TNFRSF8: variants seen among roughly 807,000 people sequenced by gnomAD.
The protein encoded by TNFRSF8 is TNF receptor superfamily member 8, also known as tumor necrosis factor receptor superfamily member 8.
In TNFRSF8, 26 loss-of-function variants were observed where a neutral mutation model predicts 70.8. The ratio of observed to expected loss-of-function variants is 0.37; its 90% CI spans 0.27 to 0.51. The LOEUF (loss-of-function observed/expected upper bound fraction) is 0.51. Among genes scored for constraint, TNFRSF8 ranks in the 20% least tolerant of loss-of-function variants. TNFRSF8 has a pLI of 0.94. For missense variants in TNFRSF8, 720 were observed against 807.9 expected (o/e 0.89, Z 1.32); for synonymous variants, 356 against 339.2 (o/e 1.05, Z -0.54).
rs967413665 is a variant in TNFRSF8 at position 12,063,386 on chromosome 1, A to T, written c.-213A>T. 6 of 397,572 alleles carry T rather than the reference A, an allele frequency of 1.5e-5. No individual in the cohort carries two copies. Among genetic ancestry groups the T allele is most frequent in the Non-Finnish European group, 2.2e-5 (5 of 226,930 alleles). 24.6% of individuals were successfully genotyped at this position (397,572 alleles called of 1,614,324 possible). On this transcript the variant is annotated 5_prime_UTR_variant, in exon 1 of 15. Coordinates refer to ENST00000263932, the MANE Select transcript of TNFRSF8 (RefSeq NM_001243.5). This position sits in a 1 kb window ranked among gnomAD's most constrained non-coding sequence, Gnocchi z 7.2. ...TCCTGGAACCAATTTGATACGGGAG[A>T]ACTAAGGCTGAAACCTCGGAGGAAC...
At chr1:12,089,985 TA>T (rs1242341946) in intron 2 of TNFRSF8, among the ~76,000 whole-genome samples, 1 of 144,856 alleles carries the variant, frequency 6.9e-6, no homozygotes. Context: ...TACTGTTCCC[TA>T]ACCCATTCAT....
intron 8 of TNFRSF8, among the ~76,000 whole-genome samples, chr1:12,118,846 G>GTTT (rs1028008097): frequency 6.6e-6 from 1 of 151,718 alleles, no homozygotes; most frequent in African/African-American, 2.4e-5. Flanking sequence ...GGTTGCATTT[G>GTTT]TTTTTTTGTT....
chr1:12,117,466 T>C (rs1641753769), intron 8 of TNFRSF8, among the ~76,000 whole-genome samples: 1 of 152,134 alleles, frequency 6.6e-6, no homozygotes, highest in Non-Finnish European at 1.5e-5. Flanking sequence ...ACTCTGTTTG[T>C]AAAGCCCTCT....
intron 14 of TNFRSF8, among the ~76,000 whole-genome samples, chr1:12,140,824 C>T (rs977774821): frequency 2.6e-5 from 4 of 152,000 alleles, no homozygotes; most frequent in East Asian, 3.9e-4. Context: ...TGACCCCACC[C>T]GCCTCTCATC....
intron 2 of TNFRSF8, among the ~76,000 whole-genome samples, chr1:12,092,657 G>A (rs1021371940): frequency 2.6e-5 from 4 of 151,324 alleles, no homozygotes; most frequent in African/African-American, 9.7e-5. Context: ...ACAGGCGCCC[G>A]CCACCACACC....
chr1:12,079,447 C>T lies in TNFRSF8; in HGVS notation c.64-5017C>T, dbSNP rs377013348. Among the ~76,000 whole-genome samples, 502 of 152,276 alleles carry T rather than the reference C, an allele frequency of 3.3e-3. 4 individuals are homozygous for T. The highest frequency in any genetic ancestry group is 0.012 in the African/African-American group (479 of 41,564). Reference sequence around the variant, plus strand: ...CCTCCTTCCCTCCCAGGCAAGGGCCCGAGCACATCCCAGCTCCCCTCTCTC... The same window carrying T: ...CCTCCTTCCCTCCCAGGCAAGGGCCTGAGCACATCCCAGCTCCCCTCTCTC... On this transcript the variant is annotated intron_variant, in intron 1 of 14. Transcript: ENST00000263932.
chr1:12,137,817 A>C (rs1048634869), intron 13 of TNFRSF8, among the ~76,000 whole-genome samples: 1 of 151,978 alleles, frequency 6.6e-6, no homozygotes, highest in African/African-American at 2.4e-5. Context: ...TATGGACCAG[A>C]TGCCAGGGTT....
intron 6 of TNFRSF8, 78 bp from the exon 7 acceptor site, chr1:12,111,820 G>C (rs925796318): frequency 1.7e-6 from 2 of 1,192,900 alleles, no homozygotes; most frequent in African/African-American, 3.0e-5. Flanking sequence ...GTGAGGGATG[G>C]GGGGCTTCAG....
rs1570090327 is a variant in TNFRSF8 at position 12,138,520 on chromosome 1, CT to C, written c.1543+85del. On this transcript the variant is annotated intron_variant, in intron 14 of 14. Coordinates refer to ENST00000263932, the MANE Select transcript of TNFRSF8 (RefSeq NM_001243.5). This position sits in a 1 kb window ranked among gnomAD's most constrained non-coding sequence, Gnocchi z 5.7. The stretch of plus-strand genomic sequence containing the variant: ...CGGGGCCCTGGGCCCTGGAAGGGAC[CT>C]GGAGACCCTGGAGTTGAAAGGCCCA... 7.6e-7 allele frequency: 1 copy of C among 1,309,004 alleles called. No individual in the cohort carries two copies. The highest frequency in any genetic ancestry group is 1.5e-5 in the African/African-American group (1 of 66,930). 81.1% of individuals were successfully genotyped at this position (1,309,004 alleles called of 1,614,324 possible). A position where few individuals can be genotyped will look rare whatever the true frequency, so the allele number is the denominator to read the frequency against.
chr1:12,108,482 T>C lies in TNFRSF8; in HGVS notation c.422-1084T>C, dbSNP rs1641568921. On this transcript the variant is annotated intron_variant, in intron 4 of 14. Transcript: ENST00000263932. This position sits in a 1 kb window ranked among gnomAD's most constrained non-coding sequence, Gnocchi z 4.0. ...TGTGATGGGCACCTCACGTGCACTC[T>C]TCTGTTTATCCTGACGACAGCCTGG... Among the ~76,000 whole-genome samples, 1 of 152,208 alleles carries C rather than the reference T, an allele frequency of 6.6e-6. No individual in the cohort carries two copies. The highest frequency in any genetic ancestry group is 1.5e-5 in the Non-Finnish European group (1 of 68,032).
At chr1:12,133,741 A>T (rs1165590352) in intron 12 of TNFRSF8, among the ~76,000 whole-genome samples, 1 of 16,964 alleles carries the variant, frequency 5.9e-5, no homozygotes, top group Non-Finnish European at 1.1e-4. Context: ...TCCATCTCAA[A>T]AAAAAAAAAA....
Position 12,115,713 on chromosome 1 carries a change from G to A in TNFRSF8, c.930G>A (p.Thr310=), listed in dbSNP as rs768381369. ...CVPYPICAAE[T]VTKPQDMAEK... ...CCTACCCAATCTGTGCAGCAGAGAC[G>A]GTCACCAAGCCCCAGGGTAAGCAGT... Residue 310 remains threonine, a synonymous_variant, in exon 8 of 15, where the codon ACG becomes ACA. Transcript: ENST00000263932. The A allele has an allele frequency of 1.1e-5, 18 of 1,613,940 alleles. No individual in the cohort carries two copies. The highest frequency in any genetic ancestry group is 8.3e-5 in the Admixed American group (5 of 60,002).
chr1:12,086,954 T>A (rs1557580651), intron 2 of TNFRSF8, among the ~76,000 whole-genome samples: 1 of 152,008 alleles, frequency 6.6e-6, no homozygotes, highest in Non-Finnish European at 1.5e-5. Context: ...ATGAACTTTG[T>A]GGGGGACACA....
intron 12 of TNFRSF8, among the ~76,000 whole-genome samples, chr1:12,130,561 T>C (rs1557603762): frequency 1.3e-5 from 2 of 152,254 alleles, no homozygotes; most frequent in Non-Finnish European, 2.9e-5. Flanking sequence ...GGGCCTGTTC[T>C]GCTTCCCACA....
intron 3 of TNFRSF8, among the ~76,000 whole-genome samples, chr1:12,101,828 T>G (rs9887888): frequency 0.13 from 19,109 of 152,162 alleles, 1,350 homozygotes; most frequent in East Asian, 0.28. Flanking sequence ...TGCGCCACCA[T>G]GCCTGGCTAA....
rs1553156303 is a variant in TNFRSF8, at chr1:12,108,074, A to ACTT, written c.422-1492_422-1491insCTT. On this transcript the variant is annotated intron_variant, in intron 4 of 14. Transcript: ENST00000263932. This position sits in a 1 kb window ranked among gnomAD's most constrained non-coding sequence, Gnocchi z 4.0. Reference sequence around the variant, plus strand: ...CGAAGTCCCACACATACAGGCCACCATTTTTTTATTTTTTTTTTTTTTGTG... The same window carrying ACTT: ...CGAAGTCCCACACATACAGGCCACCACTTTTTTTTTATTTTTTTTTTTTTTGTG... 4.2e-3 allele frequency among the ~76,000 whole-genome samples: 613 copies of ACTT among 146,020 alleles called. 5 individuals carry two copies. The highest frequency in any genetic ancestry group is 0.015 in the African/African-American group (580 of 39,600).
chr1:12,086,299 A>C (rs1641151778), intron 2 of TNFRSF8, among the ~76,000 whole-genome samples: 1 of 152,192 alleles, frequency 6.6e-6, no homozygotes, highest in Non-Finnish European at 1.5e-5. Flanking sequence ...TGTATTTCCA[A>C]CAATGATTCA....
At chr1:12,075,108 G>T (rs1359035604) in intron 1 of TNFRSF8, among the ~76,000 whole-genome samples, 1 of 152,096 alleles carries the variant, frequency 6.6e-6, no homozygotes, top group Non-Finnish European at 1.5e-5. Flanking sequence ...GCCAGGTGTG[G>T]TGGCACATGC....
At position 12,123,291 on chromosome 1, in the gene TNFRSF8, T is replaced by C. The variant is rs1296877324; in HGVS notation, c.954T>C (p.Ala318=). The change falls in exon 9 of 15, where the codon GCT becomes GCC. Residue 318 remains alanine (A), a synonymous_variant. Coordinates refer to ENST00000263932, the MANE Select transcript of TNFRSF8 (RefSeq NM_001243.5). Reference sequence around the variant, plus strand: ...GTTACGTCCCCTCTGCAGATATGGCTGAGAAGGACACCACCTTTGAGGCGC... The same window carrying C: ...GTTACGTCCCCTCTGCAGATATGGCCGAGAAGGACACCACCTTTGAGGCGC... ...AETVTKPQDM[A]EKDTTFEAPP... The C allele has an allele frequency of 1.2e-6, 2 of 1,612,668 alleles. No individual in the cohort carries two copies. Among genetic ancestry groups the C allele is most frequent in the Non-Finnish European group, 1.7e-6 (2 of 1,179,526 alleles).
Sources: allele counts gnomAD v4.1 joint callset (sites outside exome capture counted in the v4.1 genomes callset), GRCh38; gene constraint gnomAD v4.1.1; non-coding constraint Gnocchi (gnomAD v3.1); transcripts MANE v1.5; gene names NCBI Gene and HGNC (gene_info 2026-07-23, HGNC 2026-07-21).